Variants in S100PBP observed in about 807,000 individuals in gnomAD.
S100PBP encodes S100P binding protein.
In S100PBP, 15 loss-of-function variants were observed where a neutral mutation model predicts 39.9. That is an observed-to-expected ratio of 0.38 (90% CI 0.25 to 0.58). The LOEUF (loss-of-function observed/expected upper bound fraction) is 0.58. S100PBP is among the 20% of genes least tolerant of loss of function. The pLI, the probability that S100PBP is intolerant of heterozygous loss-of-function variation, is 0.70. For synonymous variants in S100PBP, 178 were observed against 180.3 expected, an observed-to-expected ratio of 0.99 and a Z score of 0.10; for missense variants, 504 against 487.3, an observed-to-expected ratio of 1.03 and a Z score of -0.32.
intron 5 of S100PBP, among the ~76,000 whole-genome samples, chr1:32,850,924 T>C (rs1483266694): frequency 6.6e-6 from 1 of 152,244 alleles, no homozygotes; most frequent in Non-Finnish European, 1.5e-5. Flanking sequence ...CAAGCTAACA[T>C]AGACCTGAGG....
At chr1:32,849,097 T>C (rs1640502820) in intron 5 of S100PBP, among the ~76,000 whole-genome samples, 1 of 152,224 alleles carries the variant, frequency 6.6e-6, no homozygotes, top group Admixed American at 6.5e-5. Context: ...GTTTGAATCC[T>C]GGCTTTCCTG....
chr1:32,820,144 C>CTTTTTTTT lies in S100PBP; in HGVS notation c.-120+2468_-120+2475dup, dbSNP rs5773387. ...ACTCTTTTTTCCTACCGTTCCTATG[C>CTTTTTTTT]TTTTTTTTTTTTTTTTTTTTGAGAT... On this transcript the variant is annotated intron_variant, in intron 1 of 6. Transcript: ENST00000373475. 2.5e-4 allele frequency among the ~76,000 whole-genome samples: 26 copies of CTTTTTTTT among 104,794 alleles called. 1 individual carries two copies. The highest frequency in any genetic ancestry group is 6.6e-4 in the Admixed American group (5 of 7,556). 68.7% of individuals were successfully genotyped at this position (104,794 alleles called of 152,430 possible).
chr1:32,833,689 A>G (rs1639700031), intron 5 of S100PBP, among the ~76,000 whole-genome samples: 1 of 152,150 alleles, frequency 6.6e-6, no homozygotes, highest in African/African-American at 2.4e-5. Context: ...CATTAGAAAT[A>G]ATGATTCTCT....
chr1:32,816,840 G>A (rs1638753990), upstream of S100PBP: 1 of 451,534 alleles, frequency 2.2e-6, no homozygotes, highest in African/African-American at 2.0e-5. Context: ...CATTTTTAAC[G>A]TCTGATCCCC....
intron 1 of S100PBP, among the ~76,000 whole-genome samples, chr1:32,819,023 T>G (rs1338251184): frequency 6.6e-6 from 1 of 152,138 alleles, no homozygotes; most frequent in Non-Finnish European, 1.5e-5. Context: ...TTTAGTGGCC[T>G]CAATAAAGTA....
At chr1:32,820,473 C>G (rs371892933) in intron 1 of S100PBP, 1 of 151,984 alleles carries the variant, frequency 6.6e-6, no homozygotes, top group Non-Finnish European at 1.5e-5. Context: ...CTCCAGGGAT[C>G]GGGGCAATGA....
intron 5 of S100PBP, among the ~76,000 whole-genome samples, chr1:32,848,848 T>G (rs1023737415): frequency 6.6e-6 from 1 of 152,234 alleles, no homozygotes; most frequent in African/African-American, 2.4e-5. Flanking sequence ...TGGGGGTTTT[T>G]CCCTCCTTTA....
At chr1:32,848,478 C>G (rs1031076198) in intron 5 of S100PBP, among the ~76,000 whole-genome samples, 3 of 152,104 alleles carry the variant, frequency 2.0e-5, no homozygotes, top group Non-Finnish European at 4.4e-5. Context: ...TACTAAAGCT[C>G]ACATTGACAT....
chr1:32,840,269 A>G (rs1640024770), intron 5 of S100PBP, among the ~76,000 whole-genome samples: 1 of 151,710 alleles, frequency 6.6e-6, no homozygotes, highest in South Asian at 2.1e-4. Flanking sequence ...TACAGGCTTG[A>G]GCCACCGCAC....
chr1:32,856,809 CCTTT>C lies in S100PBP; in HGVS notation c.*775_*778del, dbSNP rs1416882694. On this transcript the variant is annotated 3_prime_UTR_variant, in exon 7 of 7. Coordinates refer to ENST00000373475, the MANE Select transcript of S100PBP (RefSeq NM_022753.4). ...GTCTTGAGACTGGTTGTCTCCTTTG[CCTTT>C]CTTCAAGGATTTTCCTTTTTCTTTT... The C allele has an allele frequency of 6.6e-6, 1 of 152,234 alleles. No individual in the cohort carries two copies. The highest frequency in any genetic ancestry group is 1.5e-5 in the Non-Finnish European group (1 of 68,042). The allele number at this position is 152,234 out of a possible 1,614,324, so 9.4% of individuals were successfully genotyped here. A position where few individuals can be genotyped will look rare whatever the true frequency, so the allele number is the denominator to read the frequency against.
At chr1:32,819,713 A>G (rs1638955567) in intron 1 of S100PBP, among the ~76,000 whole-genome samples, 1 of 152,224 alleles carries the variant, frequency 6.6e-6, no homozygotes, top group African/African-American at 2.4e-5. Context: ...TGTCTTTGGA[A>G]TTTCACTGAA....
intron 5 of S100PBP, among the ~76,000 whole-genome samples, chr1:32,831,713 C>G (rs1162347719): frequency 6.6e-6 from 1 of 151,956 alleles, no homozygotes; most frequent in Non-Finnish European, 1.5e-5. Context: ...TCCACCTCTC[C>G]CCCCATCATT....
At chr1:32,845,085 C>T (rs1359465959) in intron 5 of S100PBP, among the ~76,000 whole-genome samples, 7 of 151,368 alleles carry the variant, frequency 4.6e-5, no homozygotes, top group Non-Finnish European at 8.8e-5. Context: ...AGTGCAGTGG[C>T]GCGATCTTGG....
intron 6 of S100PBP, 85 bp from the exon 7 acceptor site, chr1:32,855,839 A>C (rs1162946266): frequency 2.8e-6 from 2 of 707,676 alleles, no homozygotes; most frequent in African/African-American, 3.6e-5. Context: ...ATCTTCTTAA[A>C]ATTGTTGTGC....
At chr1:32,851,197 G>A (rs1640592995) in intron 5 of S100PBP, among the ~76,000 whole-genome samples, 1 of 152,072 alleles carries the variant, frequency 6.6e-6, no homozygotes, top group Non-Finnish European at 1.5e-5. Context: ...TACTTTTTGA[G>A]GCTTCAAATA....
Position 32,830,081 on chromosome 1 carries a change from C to T in S100PBP, c.1024+14C>T, listed in dbSNP as rs762823340. 6.9e-7 allele frequency: 1 copy of T among 1,458,060 alleles called. No individual in the cohort carries two copies. Among genetic ancestry groups the T allele is most frequent in the Non-Finnish European group, 9.6e-7 (1 of 1,039,370 alleles). The allele number at this position is 1,458,060 out of a possible 1,614,324, so 90.3% of individuals were successfully genotyped here. On this transcript the variant is annotated intron_variant, in intron 5 of 6. Coordinates refer to ENST00000373475, the MANE Select transcript of S100PBP (RefSeq NM_022753.4). ...ACACTAACCAAGGTAACATGGTACC[C>T]AGAGAAAGGCATATAAAACATGTGA... is the stretch of plus-strand genomic sequence containing the variant.
At chr1:32,848,084 G>T (rs1043404604) in intron 5 of S100PBP, among the ~76,000 whole-genome samples, 1 of 152,116 alleles carries the variant, frequency 6.6e-6, no homozygotes, top group Admixed American at 6.6e-5. Context: ...CAAGGTGGGT[G>T]GATCATGAAG....
intron 1 of S100PBP, among the ~76,000 whole-genome samples, chr1:32,819,281 G>T (rs1367268179): frequency 1.3e-5 from 2 of 152,124 alleles, no homozygotes; most frequent in African/African-American, 2.4e-5. Context: ...AAAATGAAGG[G>T]ATATGGCCAG....
rs776839978 is a variant in S100PBP, at chr1:32,855,972, G to A, written c.1161G>A (p.Gln387=). Residue 387 remains glutamine (Q), a synonymous_variant, in exon 7 of 7, where the codon CAG becomes CAA. Transcript: ENST00000373475. ...ATCTGCAAAGATACAGTCTGACTCA[G>A]TGGGTTGACAGGAACATGCGAAGCC... The part of the protein sequence containing the change: ...QKHLQRYSLT[Q]WVDRNMRSHH... The A allele has an allele frequency of 1.9e-6, 3 of 1,613,764 alleles. No individual in the cohort carries two copies. The South Asian group carries it at 3.3e-5, about 18-fold the overall frequency.
Sources: gnomAD v4.1 joint callset for allele counts (sites outside exome capture counted in the v4.1 genomes callset) on GRCh38, gnomAD v4.1.1 for gene constraint, MANE v1.5 for transcripts, NCBI Gene and HGNC (gene_info 2026-07-23, HGNC 2026-07-21) for gene names.